The following MEGF10 variants were observed in gnomAD, a reference collection of about 807,000 sequenced individuals.
The protein encoded by MEGF10 is multiple epidermal growth factor-like domains protein 10.
In MEGF10, 86 loss-of-function variants were observed where a neutral mutation model predicts 147.5. That is an observed-to-expected ratio of 0.58 (90% confidence interval 0.49 to 0.70). MEGF10 has a LOEUF of 0.70. Among genes scored for constraint, MEGF10 ranks in the 30% least tolerant of loss-of-function variants. The pLI, the probability that MEGF10 is intolerant of heterozygous loss-of-function variation, is 0.00. For missense variants in MEGF10, 1,329 were observed against 1,487.3 expected (o/e 0.89, Z 1.75); for synonymous variants, 478 against 525.5 (o/e 0.91, Z 1.24).
the MEGF10 span, among the ~76,000 whole-genome samples, chr5:127,246,992 A>ATC: frequency 2.2e-5 from 3 of 133,364 alleles, no homozygotes; most frequent in Non-Finnish European, 3.1e-5. Flanking sequence ...AAGAATATAT[A>ATC]TATATATATA....
At position 127,370,129 on chromosome 5, in the gene MEGF10, C is replaced by G. The variant is rs115315224; in HGVS notation, c.412+127C>G. Reference sequence around the variant, plus strand: ...ACAGAGCATAGTGTAAATGCCACGACCAACTCAGTCATACAGTTTCTTTTA... The same window carrying G: ...ACAGAGCATAGTGTAAATGCCACGAGCAACTCAGTCATACAGTTTCTTTTA... On this transcript the variant is annotated intron_variant, in intron 5 of 24. Transcript: ENST00000503335. 1.7e-3 allele frequency: 977 copies of G among 583,666 alleles called. 12 individuals are homozygous for G. The African/African-American group carries it at 0.017, about 10-fold the overall frequency. The allele number at this position is 583,666 out of a possible 1,614,324, so 36.2% of individuals were successfully genotyped here.
intron 2 of MEGF10, among the ~76,000 whole-genome samples, chr5:127,331,722 G>T (rs1176215563): frequency 1.3e-5 from 2 of 152,160 alleles, no homozygotes; most frequent in African/African-American, 4.8e-5. Context: ...TCTCTGATTT[G>T]AATTTGCATT....
At chr5:127,256,072 A>G in the MEGF10 span, among the ~76,000 whole-genome samples, 2 of 152,190 alleles carry the variant, frequency 1.3e-5, no homozygotes, top group African/African-American at 4.8e-5. Flanking sequence ...CTGGGCTCCC[A>G]TGACTGCCCT....
chr5:127,318,969 C>T (rs1204397333), intron 1 of MEGF10, among the ~76,000 whole-genome samples: 2 of 152,100 alleles, frequency 1.3e-5, no homozygotes, highest in Admixed American at 1.3e-4. Context: ...ATTTGTCAAA[C>T]TCACCAATTC....
chr5:127,304,765 A>T (rs1580686135), intron 1 of MEGF10, among the ~76,000 whole-genome samples: 1 of 152,210 alleles, frequency 6.6e-6, no homozygotes, highest in Middle Eastern at 3.4e-3. Context: ...AAAGTTCTGG[A>T]GTTACAGGGG....
the MEGF10 span, among the ~76,000 whole-genome samples, chr5:127,249,787 G>C: frequency 1.3e-5 from 2 of 152,012 alleles, no homozygotes; most frequent in Non-Finnish European, 2.9e-5. Flanking sequence ...TTGCCGTTTT[G>C]GAGGCTGAGA....
intron 4 of MEGF10, among the ~76,000 whole-genome samples, chr5:127,364,090 G>C (rs947497741): frequency 1.3e-5 from 2 of 152,160 alleles, no homozygotes; most frequent in Non-Finnish European, 2.9e-5. Context: ...TGCTTCCACA[G>C]TCCCCACAGT....
intron 12 of MEGF10, among the ~76,000 whole-genome samples, chr5:127,420,768 A>T (rs902575409): frequency 1.3e-5 from 2 of 152,174 alleles, no homozygotes; most frequent in Non-Finnish European, 2.9e-5. Flanking sequence ...TAGAAATCTC[A>T]TACTGCATCT....
chr5:127,326,771 A>AGATATGTGAGAGAATCTTAGC (rs1262389058), intron 1 of MEGF10, among the ~76,000 whole-genome samples: 2 of 152,202 alleles, frequency 1.3e-5, no homozygotes, highest in East Asian at 3.9e-4. Context: ...TTTAACTTAG[A>AGATATGTGAGAGAATCTTAGC]GATATGTGAG....
intron 1 of MEGF10, among the ~76,000 whole-genome samples, chr5:127,328,366 C>A (rs1218220084): frequency 6.6e-6 from 1 of 152,180 alleles, no homozygotes; most frequent in Non-Finnish European, 1.5e-5. Context: ...TACATCCACA[C>A]ATATACACAC....
In MEGF10 at chr5:127,420,126, C is replaced by A. The variant is rs142355199; in HGVS notation, c.1509C>A (p.Asn503Lys). ...FGCNLTCQCLNGGACNTLDGT... is the reference protein window; with the variant it reads ...FGCNLTCQCLKGGACNTLDGT... ...GTAACTTAACATGCCAGTGCCTCAA[C>A]GGGGGAGCCTGCAACACCCTGGACG... Residue 503 changes from asparagine (N) to lysine (K), a missense_variant, in exon 12 of 25, where the codon AAC (asparagine) becomes AAA (lysine). Transcript: ENST00000503335. The A allele has an allele frequency of 6.2e-7, 1 of 1,614,126 alleles. No individual in the cohort carries two copies. Among genetic ancestry groups the A allele is most frequent in the African/African-American group, 1.3e-5 (1 of 75,030 alleles).
chr5:127,376,896 G>A (rs73783770), intron 5 of MEGF10, among the ~76,000 whole-genome samples: 4,914 of 152,200 alleles, frequency 0.032, 269 homozygotes, highest in African/African-American at 0.11. Context: ...TTTAATCACC[G>A]TGGTATGGGG....
intron 1 of MEGF10, among the ~76,000 whole-genome samples, chr5:127,301,935 C>T (rs2126715568): frequency 6.6e-6 from 1 of 152,264 alleles, no homozygotes; most frequent in African/African-American, 2.4e-5. Flanking sequence ...AATGTAGTCT[C>T]TGATAGAAGG....
chr5:127,399,211 G>GA (rs924332168), intron 7 of MEGF10, among the ~76,000 whole-genome samples: 2 of 151,872 alleles, frequency 1.3e-5, no homozygotes, highest in Non-Finnish European at 2.9e-5. Flanking sequence ...AGTGTCACCT[G>GA]AAAAAAAATC....
At chr5:127,307,562 T>C (rs181418070) in intron 1 of MEGF10, among the ~76,000 whole-genome samples, 1 of 152,340 alleles carries the variant, frequency 6.6e-6, no homozygotes, top group East Asian at 1.9e-4. Flanking sequence ...TTCCTCTATG[T>C]TGGCTCATGG....
intron 16 of MEGF10, among the ~76,000 whole-genome samples, chr5:127,437,902 T>G (rs1267017157): frequency 6.6e-6 from 1 of 152,220 alleles, no homozygotes; most frequent in Non-Finnish European, 1.5e-5. Context: ...ACACCTTATC[T>G]CTGCTCAAAT....
chr5:127,373,200 T>A (rs914015640), intron 5 of MEGF10, among the ~76,000 whole-genome samples: 1 of 152,198 alleles, frequency 6.6e-6, no homozygotes. Context: ...TCACCTAGGC[T>A]GGAGTGCAAT....
chr5:127,457,144 T>C lies in MEGF10; in HGVS notation c.3249T>C (p.Val1083=). 6.2e-7 allele frequency: 1 copy of C among 1,612,700 alleles called. No individual in the cohort carries two copies. The highest frequency in any genetic ancestry group is 1.3e-5 in the African/African-American group (1 of 75,028). The change falls in exon 25 of 25, where the codon GTT becomes GTC. Residue 1083 remains valine, a synonymous_variant. Coordinates refer to ENST00000503335, the MANE Select transcript of MEGF10 (RefSeq NM_001256545.2). ...TTATCACAGAACCTACAGTGAGTGT[T>C]GTCCAAGGAGTATTCAGCAATAATG... ...NVYEVEPTVS[V]VQGVFSNNGR...
the MEGF10 span, among the ~76,000 whole-genome samples, chr5:127,258,094 T>C: frequency 6.6e-6 from 1 of 152,242 alleles, no homozygotes; most frequent in African/African-American, 2.4e-5. Flanking sequence ...ATCAATCTGA[T>C]ACTTAGCTTT....
Sources: allele counts gnomAD v4.1 joint callset (sites outside exome capture counted in the v4.1 genomes callset), GRCh38; gene constraint gnomAD v4.1.1; transcripts MANE v1.5; gene names NCBI Gene and HGNC (gene_info 2026-07-23, HGNC 2026-07-21).